The following TDRD9 variants were observed in gnomAD, a reference collection of about 807,000 sequenced individuals.
TDRD9 encodes the protein tudor domain containing 9.
A neutral mutation model predicts 172.6 loss-of-function variants in TDRD9; 124 were observed. The ratio of observed to expected loss-of-function variants is 0.72; its 90% confidence interval spans 0.62 to 0.83. TDRD9 has a LOEUF of 0.83. Ranked by LOEUF, TDRD9 falls within the 40% of genes least tolerant of loss-of-function variation. TDRD9 has a pLI of 0.00. For missense variants in TDRD9, 1,479 were observed against 1,714.1 expected, an observed-to-expected ratio of 0.86 and a Z score of 2.42; for synonymous variants, 619 against 617.1, an observed-to-expected ratio of 1.00 and a Z score of -0.05.
chr14:104,006,675 G>A lies in TDRD9; in HGVS notation c.1909G>A (p.Ala637Thr). Reference sequence around the variant, plus strand: ...AGCTCTTTCTTTGAAGAATTTTTTTGCAATGCCTTTCCGGCAGCATCTCGA... The same window carrying A: ...AGCTCTTTCTTTGAAGAATTTTTTTACAATGCCTTTCCGGCAGCATCTCGA... The part of the protein sequence containing the change: ...AAALSLKNFF[A>T]MPFRQHLDGY... Residue 637 changes from alanine (A) to threonine (T), a missense_variant, in exon 17 of 36, where the codon GCA becomes ACA. By Grantham distance (58) the Ala-to-Thr change is moderately conservative (BLOSUM62 0). Coordinates refer to ENST00000409874, the MANE Select transcript of TDRD9 (RefSeq NM_153046.3). The A allele has an allele frequency of 6.2e-7, 1 of 1,613,708 alleles. No individual in the cohort carries two copies. The highest frequency in any genetic ancestry group is 8.5e-7 in the Non-Finnish European group (1 of 1,179,794).
intron 2 of TDRD9, among the ~76,000 whole-genome samples, chr14:103,960,455 A>T (rs556224865): frequency 6.6e-6 from 1 of 152,382 alleles, no homozygotes; most frequent in Admixed American, 6.5e-5. Context: ...CAAGAAAATA[A>T]GAATAGTCAA....
intron 34 of TDRD9, among the ~76,000 whole-genome samples, chr14:104,045,390 C>CTTTTTTTTTTTTTTTTTT (rs55844445): frequency 7.5e-6 from 1 of 133,906 alleles, no homozygotes; most frequent in Non-Finnish European, 1.6e-5. Flanking sequence ...GTCATTTATC[C>CTTTTTTTTTTTTTTTTTT]TTTTTTTTTT....
intron 24 of TDRD9, among the ~76,000 whole-genome samples, chr14:104,024,009 T>A (rs1263087298): frequency 6.6e-6 from 1 of 152,226 alleles, no homozygotes; most frequent in Non-Finnish European, 1.5e-5. Context: ...GAATAAAGTA[T>A]TAGGAAATTT....
At position 103,999,642 on chromosome 14, in the gene TDRD9, GAAA is replaced by G. The variant is rs2034186423; in HGVS notation, c.1483+916_1483+918del. 3.4e-4 allele frequency among the ~76,000 whole-genome samples: 43 copies of G among 126,044 alleles called. 8 individuals carry two copies. The highest frequency in any genetic ancestry group is 1.1e-3 in the East Asian group (5 of 4,350). 82.7% of individuals were successfully genotyped at this position (126,044 alleles called of 152,430 possible). The stretch of plus-strand genomic sequence containing the variant: ...GGCTTTTTTTTTTGTTTGTTTTTTA[GAAA>G]ACCTTTTGGGAAGGGTAGATAAAAG... On this transcript the variant is annotated intron_variant, in intron 13 of 35. Transcript: ENST00000409874.
chr14:104,049,054 T>TTTGCC (rs1435617191), intron 34 of TDRD9, among the ~76,000 whole-genome samples: 1 of 152,152 alleles, frequency 6.6e-6, no homozygotes, highest in African/African-American at 2.4e-5. Flanking sequence ...GTTGTTTGCC[T>TTTGCC]TTGCCTTTGG....
rs2031208982 is a variant in TDRD9, at chr14:103,941,188, A to G, written c.215+12464A>G. On this transcript the variant is annotated intron_variant, in intron 1 of 35. Coordinates refer to ENST00000409874, the MANE Select transcript of TDRD9 (RefSeq NM_153046.3). ...CTCCAAAATACAGCTTGAATAATGTATACAAGTTACCCACCTTTTGAGTAT... is the reference window on the plus strand; with the variant it reads ...CTCCAAAATACAGCTTGAATAATGTGTACAAGTTACCCACCTTTTGAGTAT... 8 of 1,130,692 alleles carry G rather than the reference A, an allele frequency of 7.1e-6. No individual in the cohort carries two copies. The South Asian group carries it at 8.2e-5, about 12-fold the overall frequency. 70.0% of individuals were successfully genotyped at this position (1,130,692 alleles called of 1,614,324 possible).
intron 20 of TDRD9, among the ~76,000 whole-genome samples, chr14:104,009,057 C>T (rs1312233470): frequency 2.0e-5 from 3 of 152,230 alleles, no homozygotes; most frequent in Admixed American, 6.5e-5. Flanking sequence ...CATACTTACA[C>T]AGACCTAGAT....
chr14:104,007,601 G>T (rs982168473), intron 19 of TDRD9, among the ~76,000 whole-genome samples: 8 of 151,574 alleles, frequency 5.3e-5, no homozygotes, highest in African/African-American at 1.9e-4. Flanking sequence ...TAGATAACGG[G>T]CTTAAAAGAA....
chr14:104,025,931 G>C, intron 26 of TDRD9, 116 bp from the exon 27 acceptor site: 4 of 971,544 alleles, frequency 4.1e-6, no homozygotes, highest in Non-Finnish European at 6.4e-6. Context: ...TTTAAGCTCA[G>C]GTCACTCCAA....
intron 32 of TDRD9, among the ~76,000 whole-genome samples, chr14:104,035,614 T>G (rs530665592): frequency 4.6e-4 from 70 of 152,238 alleles, no homozygotes; most frequent in Non-Finnish European, 5.1e-4. Flanking sequence ...GTGTAAGGTT[T>G]TGTTTGCAGA....
At chr14:104,049,769 G>C in intron 35 of TDRD9, 89 bp downstream of exon 35, 1 of 1,179,276 alleles carries the variant, frequency 8.5e-7, no homozygotes, top group Non-Finnish European at 1.2e-6. Context: ...AGCCAGGGCT[G>C]GCCGAGGGTC....
chr14:103,980,363 G>A lies in TDRD9; in HGVS notation c.1011+4810G>A, dbSNP rs761695561. ...TGATAGGTAAGGTCATGTGGGTCAC[G>A]TGTCGACTGGACAGGGGGCCCTTCC... On this transcript the variant is annotated intron_variant, in intron 7 of 35. Coordinates refer to ENST00000409874, the MANE Select transcript of TDRD9 (RefSeq NM_153046.3). This position sits in a 1 kb window ranked among gnomAD's most constrained non-coding sequence, Gnocchi z 4.5. Among the ~76,000 whole-genome samples the A allele has an allele frequency of 6.6e-6, 1 of 152,152 alleles. No homozygotes were observed. The highest frequency in any genetic ancestry group is 1.5e-5 in the Non-Finnish European group (1 of 68,028).
chr14:103,973,969 G>A (rs2033136889), intron 6 of TDRD9, among the ~76,000 whole-genome samples: 1 of 152,158 alleles, frequency 6.6e-6, no homozygotes, highest in African/African-American at 2.4e-5. Context: ...AGGCCGAGGT[G>A]GGCAGATCGC....
intron 23 of TDRD9, among the ~76,000 whole-genome samples, chr14:104,020,949 G>T (rs1307257000): frequency 6.6e-6 from 1 of 152,008 alleles, no homozygotes; most frequent in Non-Finnish European, 1.5e-5. Context: ...CGAAATATGG[G>T]CTGGGGCAAG....
intron 8 of TDRD9, among the ~76,000 whole-genome samples, chr14:103,988,827 G>A (rs2033769352): frequency 6.6e-6 from 1 of 151,762 alleles, no homozygotes; most frequent in Admixed American, 6.6e-5. Context: ...TGAGTAGCTG[G>A]GACTTAGAGG....
rs141822590 is a variant in TDRD9 at position 103,965,720 on chromosome 14, G to A, written c.642+166G>A. Among the ~76,000 whole-genome samples the A allele has an allele frequency of 8.6e-3, 1,299 of 151,696 alleles. 15 individuals are homozygous for A. The highest frequency in any genetic ancestry group is 0.03 in the African/African-American group (1,228 of 41,368). ...AGCACTTTGGGAGACCGAGGCAGGC[G>A]GATCACATTAGGTCGGGAGTTTGAG... On this transcript the variant is annotated intron_variant, in intron 4 of 35. Transcript: ENST00000409874.
intron 11 of TDRD9, among the ~76,000 whole-genome samples, 197 bp from the exon 12 acceptor site, chr14:103,995,553 A>C (rs184818290): frequency 6.6e-6 from 1 of 152,322 alleles, no homozygotes; most frequent in East Asian, 1.9e-4. Context: ...GCTGTGTTGT[A>C]TGTGGCTGGT....
At chr14:103,941,313 G>T in intron 1 of TDRD9, 3 of 1,075,120 alleles carry the variant, frequency 2.8e-6, no homozygotes, top group South Asian at 1.7e-5. Context: ...GAATTTACAT[G>T]ATAGAATACA....
intron 5 of TDRD9, among the ~76,000 whole-genome samples, chr14:103,969,066 C>T (rs2032899641): frequency 6.7e-6 from 1 of 148,832 alleles, no homozygotes; most frequent in African/African-American, 2.5e-5. Context: ...CGTCACTGCA[C>T]TCCAGCCTGG....
Sources: gnomAD v4.1 joint callset for allele counts (sites outside exome capture counted in the v4.1 genomes callset) on GRCh38, gnomAD v4.1.1 for gene constraint, Gnocchi (gnomAD v3.1) non-coding constraint, MANE v1.5 for transcripts, NCBI Gene and HGNC (gene_info 2026-07-23, HGNC 2026-07-21) for gene names.